Variants in SYTL5 observed in about 807,000 individuals in gnomAD.
The protein encoded by SYTL5 is synaptotagmin like 5.
Under a neutral mutation model 55.9 loss-of-function variants are expected in SYTL5, and 34 were observed. The observed-to-expected ratio is 0.61, with a 90% CI of 0.46 to 0.81. The LOEUF (loss-of-function observed/expected upper bound fraction) is 0.81, where lower values mean the gene tolerates loss of function less well. Ranked by LOEUF, SYTL5 falls within the 30% of genes least tolerant of loss-of-function variation. The pLI, the probability that SYTL5 is intolerant of heterozygous loss-of-function variation, is 0.00. For synonymous variants in SYTL5, 221 were observed against 188.7 expected, an observed-to-expected ratio of 1.17 and a Z score of -1.40; for missense variants, 637 against 546.7, an observed-to-expected ratio of 1.17 and a Z score of -1.65.
Position 38,033,783 on chromosome X carries a change from C to A in SYTL5, c.-107C>A. ...ACCTTGTAAAAATCACACTTTACAC[C>A]AAACAACTGAGTGATTCTGAATTGG... is the stretch of plus-strand genomic sequence containing the variant. On this transcript the variant is annotated 5_prime_UTR_variant, in exon 2 of 17. Coordinates refer to ENST00000297875, the MANE Select transcript of SYTL5 (RefSeq NM_138780.3). 1 of 446,825 alleles carries A rather than the reference C, an allele frequency of 2.2e-6. No individual in the cohort carries two copies. Among genetic ancestry groups the A allele is most frequent in the Non-Finnish European group, 3.9e-6 (1 of 257,546 alleles). 36.8% of individuals were successfully genotyped at this position (446,825 alleles called of 1,213,427 possible).
At chrX:38,038,960 C>G (rs770938290) in intron 2 of SYTL5, among the ~76,000 whole-genome samples, 1 of 111,273 alleles carries the variant, frequency 9.0e-6, no homozygotes, top group Non-Finnish European at 1.9e-5. Flanking sequence ...GGCCTGACAC[C>G]CAAATGTGCT....
chrX:37,948,894 G>A, the SYTL5 span, among the ~76,000 whole-genome samples: 1 of 111,799 alleles, frequency 8.9e-6, no homozygotes, highest in Non-Finnish European at 1.9e-5. Context: ...TAGGAATACA[G>A]ATATCTAAGG....
At chrX:37,919,117 A>T in the SYTL5 span, among the ~76,000 whole-genome samples, 1,071 of 111,419 alleles carry the variant, frequency 9.6e-3, 11 homozygotes, top group African/African-American at 0.034. Flanking sequence ...CTGCATAGAG[A>T]TGGTCAAGGT....
At chrX:38,098,748 G>A (rs779216976) in intron 9 of SYTL5, among the ~76,000 whole-genome samples, 4 of 110,667 alleles carry the variant, frequency 3.6e-5, no homozygotes, top group Non-Finnish European at 7.6e-5. Flanking sequence ...ACTTACACGC[G>A]AATGGTTATA....
upstream of SYTL5, among the ~76,000 whole-genome samples, chrX:38,003,631 C>A (rs777089747): frequency 8.1e-5 from 9 of 111,746 alleles, no homozygotes; most frequent in Admixed American, 2.8e-4. Context: ...GAATATATAT[C>A]GTGAAAATGT....
chrX:38,015,552 A>G (rs1346234564), intron 1 of SYTL5, among the ~76,000 whole-genome samples: 1 of 111,532 alleles, frequency 9.0e-6, no homozygotes, highest in African/African-American at 3.3e-5. Flanking sequence ...ACTCTTTGCA[A>G]TTCTCCACTT....
intron 3 of SYTL5, among the ~76,000 whole-genome samples, chrX:38,071,713 A>G (rs1936269563): frequency 9.0e-6 from 1 of 111,580 alleles, no homozygotes; most frequent in Non-Finnish European, 1.9e-5. Context: ...TTGGGATGGG[A>G]TCCTGGCTCT....
chrX:38,054,235 G>A lies in SYTL5; in HGVS notation c.142G>A (p.Glu48Lys), dbSNP rs1355432146. 8.3e-7 allele frequency: 1 copy of A among 1,209,775 alleles called. No individual in the cohort carries two copies. The highest frequency in any genetic ancestry group is 1.1e-6 in the Non-Finnish European group (1 of 894,602). Residue 48 changes from glutamate to lysine, a missense_variant, in exon 3 of 17, where the codon GAA (glutamate) becomes AAA (lysine). Physicochemically the swap from Glu to Lys is moderately conservative, Grantham distance 56. Transcript: ENST00000297875. ...RIRKLKNELL[E>K]AKRRSGKTQQ... ...CAGGAAGCTGAAAAATGAACTCTTA[G>A]AAGCAAAACGTAGAAGTGGGAAAAC...
chrX:37,918,966 T>TGC, the SYTL5 span, among the ~76,000 whole-genome samples: 1 of 110,205 alleles, frequency 9.1e-6, no homozygotes, highest in African/African-American at 3.3e-5. Flanking sequence ...TGTGTGTGTG[T>TGC]GTGTTTAGCT....
chrX:37,998,497 G>A, the SYTL5 span, among the ~76,000 whole-genome samples: 1 of 111,740 alleles, frequency 8.9e-6, no homozygotes, highest in Non-Finnish European at 1.9e-5. Context: ...ACAGAGAGCC[G>A]GCACCTATTC....
the SYTL5 span, among the ~76,000 whole-genome samples, chrX:37,951,398 A>T: frequency 0.4 from 43,375 of 108,752 alleles, 6,495 homozygotes; most frequent in East Asian, 0.59. Context: ...GAGTTTTTTT[A>T]AAAAAATCAG....
intron 6 of SYTL5, among the ~76,000 whole-genome samples, chrX:38,079,525 T>C (rs1202775953): frequency 8.9e-6 from 1 of 112,429 alleles, no homozygotes. Flanking sequence ...TAGTGATTTC[T>C]AATCCCTACA....
the SYTL5 span, among the ~76,000 whole-genome samples, chrX:37,919,002 C>G: frequency 9.1e-6 from 1 of 110,289 alleles, no homozygotes; most frequent in African/African-American, 3.3e-5. Context: ...TACAAGAAGG[C>G]CTGCTAGAAG....
At position 38,126,630 on chromosome X, in the gene SYTL5, G is replaced by T. The variant is rs756264164; in HGVS notation, c.2093G>T (p.Gly698Val). 1.7e-6 allele frequency: 2 copies of T among 1,211,154 alleles called. No individual in the cohort carries two copies. The highest frequency in any genetic ancestry group is 3.5e-5 in the South Asian group (2 of 56,792). The change falls in exon 17 of 17, where the codon GGG (glycine) becomes GTG (valine). Residue 698 changes from glycine to valine, a missense_variant. Transcript: ENST00000297875. The part of the protein sequence containing the change: ...GKNVDWMDSQ[G>V]EEQRLWQKMA... Reference sequence around the variant, plus strand: ...AACGTGGATTGGATGGACTCTCAGGGGGAAGAGCAGCGCCTTTGGCAGAAG... The same window carrying T: ...AACGTGGATTGGATGGACTCTCAGGTGGAAGAGCAGCGCCTTTGGCAGAAG...
rs190111476 is a variant in SYTL5 at position 38,067,387 on chromosome X, A to G, written c.330-4660A>G. Among the ~76,000 whole-genome samples the G allele has an allele frequency of 6.8e-3, 752 of 110,816 alleles. 11 individuals carry two copies. The highest frequency in any genetic ancestry group is 0.047 in the Admixed American group (485 of 10,399). On this transcript the variant is annotated intron_variant, in intron 3 of 16. Transcript: ENST00000297875. ...CTCACATCCAAAGAACATATCAAAA[A>G]AAAAAAAAAGATCTAAGGCCTTGGC... is the stretch of plus-strand genomic sequence containing the variant.
intron 9 of SYTL5, among the ~76,000 whole-genome samples, chrX:38,100,385 T>G (rs2147573929): frequency 9.0e-6 from 1 of 111,320 alleles, no homozygotes; most frequent in African/African-American, 3.2e-5. Context: ...ATGACATTAT[T>G]TGAGGACCTG....
the SYTL5 span, among the ~76,000 whole-genome samples, chrX:37,891,927 G>T: frequency 1.8e-5 from 2 of 111,482 alleles, no homozygotes; most frequent in Non-Finnish European, 3.8e-5. Flanking sequence ...TCCTACTTCT[G>T]CCCCAAATTG....
the SYTL5 span, among the ~76,000 whole-genome samples, chrX:37,997,166 A>G: frequency 8.9e-6 from 1 of 112,805 alleles, no homozygotes; most frequent in Non-Finnish European, 1.9e-5. Flanking sequence ...GTGGTGGCCC[A>G]TCTGGGGTGG....
intron 16 of SYTL5, among the ~76,000 whole-genome samples, chrX:38,126,190 CT>C (rs1382902003): frequency 1.8e-5 from 2 of 111,869 alleles, no homozygotes; most frequent in Non-Finnish European, 3.8e-5. Context: ...ATGATAATTA[CT>C]TATTTATAGA....
Sources: allele counts gnomAD v4.1 joint callset (sites outside exome capture counted in the v4.1 genomes callset), GRCh38; gene constraint gnomAD v4.1.1; transcripts MANE v1.5; gene names NCBI Gene and HGNC (gene_info 2026-07-23, HGNC 2026-07-21).